LYPD6: variants seen among roughly 807,000 people sequenced by gnomAD.
The protein encoded by LYPD6 is LY6/PLAUR domain containing 6.
In LYPD6, 15 loss-of-function variants were observed where a neutral mutation model predicts 22.7. The observed-to-expected ratio is 0.66, with a 90% CI of 0.44 to 1.02. The LOEUF (loss-of-function observed/expected upper bound fraction) is 1.02, where lower values mean the gene tolerates loss of function less well. Ranked by LOEUF, LYPD6 falls within the 50% of genes least tolerant of loss-of-function variation. The pLI is 0.00. For synonymous variants in LYPD6, 72 were observed against 77.5 expected (o/e 0.93, Z 0.37); for missense variants, 189 against 208.4 (o/e 0.91, Z 0.57).
chr2:149,357,250 G>A (rs1681466425), intron 1 of LYPD6, among the ~76,000 whole-genome samples: 2 of 152,170 alleles, frequency 1.3e-5, no homozygotes, highest in African/African-American at 4.8e-5. Flanking sequence ...TCAAGTGTCT[G>A]TGTCACAGTG....
intron 3 of LYPD6, among the ~76,000 whole-genome samples, chr2:149,453,279 A>T (rs1014316116): frequency 4.6e-5 from 7 of 152,184 alleles, no homozygotes; most frequent in African/African-American, 1.7e-4. Flanking sequence ...TTTGCCCATG[A>T]CTTTTCTCTG....
intron 1 of LYPD6, among the ~76,000 whole-genome samples, chr2:149,437,084 C>G (rs1435676348): frequency 5.9e-5 from 9 of 152,186 alleles, no homozygotes; most frequent in Non-Finnish European, 1.2e-4. Flanking sequence ...ACATAAAGGA[C>G]TTCAGTAGTA....
chr2:149,423,746 T>TA (rs527424753), intron 1 of LYPD6, among the ~76,000 whole-genome samples: 12 of 116,124 alleles, frequency 1.0e-4, no homozygotes, highest in Non-Finnish European at 2.0e-4. Flanking sequence ...AGACGTTCAT[T>TA]AAAAAATAAG....
chr2:149,477,474 T>A (rs996998965), downstream of LYPD6, among the ~76,000 whole-genome samples: 4 of 151,662 alleles, frequency 2.6e-5, no homozygotes, highest in Admixed American at 1.3e-4. Flanking sequence ...AAAACAAAAA[T>A]TAGCCAGACG....
chr2:149,424,333 C>T (rs1446407081), intron 1 of LYPD6, among the ~76,000 whole-genome samples: 1 of 152,166 alleles, frequency 6.6e-6, no homozygotes, highest in African/African-American at 2.4e-5. Flanking sequence ...AGTTCTACTA[C>T]ATGTTGGCAA....
Position 149,470,606 on chromosome 2 carries a change from G to A in LYPD6, c.349-77G>A, listed in dbSNP as rs112646670. 3.6e-4 allele frequency: 468 copies of A among 1,315,836 alleles called. 1 individual carries two copies. In the African/African-American group the frequency reaches 5.2e-3, roughly 15 times the overall value. 81.5% of individuals were successfully genotyped at this position (1,315,836 alleles called of 1,614,324 possible). A position where few individuals can be genotyped will look rare whatever the true frequency, so the allele number is the denominator to read the frequency against. On this transcript the variant is annotated intron_variant, in intron 4 of 4. Coordinates refer to ENST00000334166, the MANE Select transcript of LYPD6 (RefSeq NM_194317.5). ...TTTACTTGCATCTTGCCATGTGGGC[G>A]ACAGTGCCTTCAAAAACCCTGCCTC... is the stretch of plus-strand genomic sequence containing the variant.
intron 1 of LYPD6, among the ~76,000 whole-genome samples, chr2:149,337,883 A>G (rs1023983654): frequency 2.6e-5 from 4 of 152,132 alleles, no homozygotes; most frequent in Non-Finnish European, 5.9e-5. Context: ...AGCATGTGGT[A>G]TTAGGTTTTC....
At chr2:149,367,614 C>A (rs1263729908) in intron 1 of LYPD6, 1 of 152,138 alleles carries the variant, frequency 6.6e-6, no homozygotes, top group African/African-American at 2.4e-5. Flanking sequence ...GGGAAGAGAC[C>A]TTTTTTTCGT....
chr2:149,433,328 G>T (rs1431186423), intron 1 of LYPD6, among the ~76,000 whole-genome samples: 1 of 152,176 alleles, frequency 6.6e-6, no homozygotes, highest in East Asian at 1.9e-4. Context: ...TGAAATAGTT[G>T]CTTAATTTCA....
At chr2:149,412,265 A>G (rs1303906739) in intron 1 of LYPD6, among the ~76,000 whole-genome samples, 2 of 152,142 alleles carry the variant, frequency 1.3e-5, no homozygotes, top group South Asian at 2.1e-4. Context: ...TACCAATTTT[A>G]TGGGTGTAGA....
chr2:149,388,041 G>A (rs1031776675), intron 1 of LYPD6, among the ~76,000 whole-genome samples: 1 of 152,152 alleles, frequency 6.6e-6, no homozygotes, highest in Admixed American at 6.6e-5. Flanking sequence ...AGTTCTAAAT[G>A]ACCGAGCCTT....
At chr2:149,407,620 A>G (rs1682749563) in intron 1 of LYPD6, among the ~76,000 whole-genome samples, 1 of 152,094 alleles carries the variant, frequency 6.6e-6, no homozygotes, top group Non-Finnish European at 1.5e-5. Context: ...TGGTTATTCT[A>G]GTTATACATT....
intron 1 of LYPD6, chr2:149,368,011 C>T (rs1323479233): frequency 2.6e-5 from 4 of 152,184 alleles, no homozygotes; most frequent in Admixed American, 2.0e-4. Flanking sequence ...AAGACACCGT[C>T]TCTTCCTTTA....
intron 1 of LYPD6, among the ~76,000 whole-genome samples, chr2:149,359,972 A>G (rs904316841): frequency 3.3e-5 from 5 of 152,212 alleles, no homozygotes; most frequent in Non-Finnish European, 7.3e-5. Flanking sequence ...TCACCTGAGT[A>G]TACTTACAGT....
chr2:149,360,534 A>T (rs1050535050), intron 1 of LYPD6, among the ~76,000 whole-genome samples: 1 of 151,978 alleles, frequency 6.6e-6, no homozygotes, highest in African/African-American at 2.4e-5. Flanking sequence ...TCCTGTTGGT[A>T]TCACTTTGGA....
intron 3 of LYPD6, among the ~76,000 whole-genome samples, chr2:149,458,341 C>G (rs1681012893): frequency 6.6e-6 from 1 of 152,150 alleles, no homozygotes; most frequent in Non-Finnish European, 1.5e-5. Context: ...AAGGTTGTGT[C>G]AAAGGAGGCT....
chr2:149,360,609 G>GT (rs113615324), intron 1 of LYPD6, among the ~76,000 whole-genome samples: 14,268 of 141,292 alleles, frequency 0.1, 796 homozygotes, highest in African/African-American at 0.17. Flanking sequence ...GTCTTTACTT[G>GT]TTTTTTTTTT....
At chr2:149,346,909 C>T (rs1342207142) in intron 1 of LYPD6, among the ~76,000 whole-genome samples, 11 of 152,166 alleles carry the variant, frequency 7.2e-5, no homozygotes, top group Non-Finnish European at 1.5e-4. Flanking sequence ...CCATGTTGGC[C>T]AGGATGGTCT....
chr2:149,444,446 C>G (rs1683638020), intron 2 of LYPD6, among the ~76,000 whole-genome samples: 1 of 152,166 alleles, frequency 6.6e-6, no homozygotes, highest in South Asian at 2.1e-4. Flanking sequence ...TGAGCTGATT[C>G]TGCCCTTCAC....
Sources: gnomAD v4.1 joint callset for allele counts (sites outside exome capture counted in the v4.1 genomes callset) on GRCh38, gnomAD v4.1.1 for gene constraint, MANE v1.5 for transcripts, NCBI Gene and HGNC (gene_info 2026-07-23, HGNC 2026-07-21) for gene names.